SPEF2: variants seen among roughly 807,000 people sequenced by gnomAD.
SPEF2 encodes sperm flagellar and cilia associated 2, also known as sperm flagella and cilia-associated protein 2.
Under a neutral mutation model 224.6 loss-of-function variants are expected in SPEF2, and 187 were observed. That is an observed-to-expected ratio of 0.83 (90% CI 0.74 to 0.94). The LOEUF (loss-of-function observed/expected upper bound fraction) is 0.94, where lower values mean the gene tolerates loss of function less well. SPEF2 is among the 40% of genes least tolerant of loss of function. The pLI is 0.00. For missense variants in SPEF2, 2,170 were observed against 2,135.6 expected (o/e 1.02, Z -0.32); for synonymous variants, 715 against 707.3 (o/e 1.01, Z -0.17).
rs1749568622 is a variant in SPEF2 at position 35,751,099 on chromosome 5, A to ATG, written c.3331-2524_3331-2523insGT. Reference sequence around the variant, plus strand: ...TATATACACACACACACACACACATATATATATATATATATATATGATGGA... The same window carrying ATG: ...TATATACACACACACACACACACATATGTATATATATATATATATATGATGGA... On this transcript the variant is annotated intron_variant, in intron 23 of 36. Coordinates refer to ENST00000356031, the MANE Select transcript of SPEF2 (RefSeq NM_024867.4). Among the ~76,000 whole-genome samples the ATG allele has an allele frequency of 1.9e-5, 2 of 107,984 alleles. 1 individual carries two copies. Among genetic ancestry groups the ATG allele is most frequent in the Non-Finnish European group, 3.6e-5 (2 of 56,324 alleles). 70.8% of individuals were successfully genotyped at this position (107,984 alleles called of 152,430 possible). A position where few individuals can be genotyped will look rare whatever the true frequency, so the allele number is the denominator to read the frequency against.
intron 25 of SPEF2, among the ~76,000 whole-genome samples, chr5:35,760,760 C>T (rs1238167249): frequency 6.6e-6 from 1 of 152,112 alleles, no homozygotes; most frequent in Non-Finnish European, 1.5e-5. Flanking sequence ...AAAATGTCTT[C>T]TAGAAATGGG....
intron 6 of SPEF2, among the ~76,000 whole-genome samples, chr5:35,652,333 C>T (rs1212331969): frequency 6.6e-6 from 1 of 151,974 alleles, no homozygotes; most frequent in Non-Finnish European, 1.5e-5. Context: ...AACCCACGCT[C>T]AATCCAGGGC....
chr5:35,760,309 G>A (rs4869462), intron 25 of SPEF2, among the ~76,000 whole-genome samples: 80,588 of 150,842 alleles, frequency 0.53, 24,322 homozygotes, highest in Middle Eastern at 0.7. Flanking sequence ...CTTGCAGCGA[G>A]CCAAGATCTC....
At chr5:35,811,566 T>C (rs1400876712) in intron 36 of SPEF2, among the ~76,000 whole-genome samples, 1 of 151,972 alleles carries the variant, frequency 6.6e-6, no homozygotes, top group African/African-American at 2.4e-5. Context: ...TCAAAGTGCC[T>C]TGGTGTCTGC....
intron 20 of SPEF2, among the ~76,000 whole-genome samples, chr5:35,723,431 C>G (rs116921214): frequency 6.6e-6 from 1 of 151,978 alleles, no homozygotes; most frequent in Non-Finnish European, 1.5e-5. Flanking sequence ...TGTGTTTTAA[C>G]GAGCCCACTA....
Position 35,793,487 on chromosome 5 carries a change from G to A in SPEF2, c.4737+146G>A, listed in dbSNP as rs1274482340. ...GTCTAGGCACCCAGAGGCAGCACAGGCAGTGTCAAAGCCCCAGCCAGAAGC... is the reference window on the plus strand; with the variant it reads ...GTCTAGGCACCCAGAGGCAGCACAGACAGTGTCAAAGCCCCAGCCAGAAGC... On this transcript the variant is annotated intron_variant, in intron 32 of 36. Coordinates refer to ENST00000356031, the MANE Select transcript of SPEF2 (RefSeq NM_024867.4). The A allele has an allele frequency of 6.7e-6, 5 of 750,874 alleles. No individual in the cohort carries two copies. In the Admixed American group the frequency reaches 1.1e-4, roughly 17 times the overall value. 46.5% of individuals were successfully genotyped at this position (750,874 alleles called of 1,614,324 possible). A position where few individuals can be genotyped will look rare whatever the true frequency, so the allele number is the denominator to read the frequency against.
intron 34 of SPEF2, among the ~76,000 whole-genome samples, chr5:35,800,539 T>G (rs989860330): frequency 2.0e-5 from 3 of 152,182 alleles, no homozygotes; most frequent in Non-Finnish European, 4.4e-5. Context: ...ACCACATATA[T>G]GGGGCTTGGT....
chr5:35,622,537 G>T (rs371879599), intron 1 of SPEF2, among the ~76,000 whole-genome samples: 2 of 152,154 alleles, frequency 1.3e-5, no homozygotes, highest in Non-Finnish European at 2.9e-5. Flanking sequence ...CATTGTTTAG[G>T]ATTATGCACC....
chr5:35,650,516 T>C lies in SPEF2; in HGVS notation c.791+1091T>C, dbSNP rs1400600114. On this transcript the variant is annotated intron_variant, in intron 6 of 36. Coordinates refer to ENST00000356031, the MANE Select transcript of SPEF2 (RefSeq NM_024867.4). ...CCATAGGCTCTGTGGTGATAAACAG[T>C]TGGTGTCCACCAGAAAGACCATCTT... Among the ~76,000 whole-genome samples the C allele has an allele frequency of 2.6e-5, 4 of 152,282 alleles. No homozygotes were observed. In the South Asian group the frequency reaches 6.2e-4, roughly 24 times the overall value.
chr5:35,629,266 G>A (rs1383832760), intron 2 of SPEF2, among the ~76,000 whole-genome samples: 2 of 141,312 alleles, frequency 1.4e-5, no homozygotes, highest in African/African-American at 5.4e-5. Context: ...CCATTCTCCT[G>A]CCTCAGCCTC....
Position 35,749,754 on chromosome 5 carries a change from A to G in SPEF2, c.3331-3870A>G, listed in dbSNP as rs577771315. The stretch of plus-strand genomic sequence containing the variant: ...CCATGCTCACGGATGAGTAGAATCA[A>G]TATTGTGAAAATGATCATACTGCCC... On this transcript the variant is annotated intron_variant, in intron 23 of 36. Coordinates refer to ENST00000356031, the MANE Select transcript of SPEF2 (RefSeq NM_024867.4). Among the ~76,000 whole-genome samples, 371 of 152,320 alleles carry G rather than the reference A, an allele frequency of 2.4e-3. 2 individuals carry two copies. The highest frequency in any genetic ancestry group is 8.6e-3 in the African/African-American group (359 of 41,578).
intron 7 of SPEF2, among the ~76,000 whole-genome samples, chr5:35,657,349 T>C (rs1749100123): frequency 1.3e-5 from 2 of 152,126 alleles, no homozygotes; most frequent in African/African-American, 4.8e-5. Flanking sequence ...GTGAACTAAA[T>C]GATGAGATTT....
At chr5:35,619,537 C>T (rs975759520) in intron 1 of SPEF2, among the ~76,000 whole-genome samples, 2 of 151,948 alleles carry the variant, frequency 1.3e-5, no homozygotes, top group Admixed American at 6.6e-5. Context: ...ATTAGCCGGA[C>T]GTCGTGGCGG....
At chr5:35,661,219 T>C (rs534340168) in intron 8 of SPEF2, among the ~76,000 whole-genome samples, 190 of 143,354 alleles carry the variant, frequency 1.3e-3, no homozygotes, top group Non-Finnish European at 2.3e-3. Context: ...CTACTTCTTT[T>C]ATGTGAAGAA....
chr5:35,790,217 G>A lies in SPEF2; in HGVS notation c.4448-2123G>A, dbSNP rs185826028. Reference sequence around the variant, plus strand: ...CAAAAATCAAGGCTGAAAGTATGACGGATGTCCTAATTATTCAGTTGAATT... The same window carrying A: ...CAAAAATCAAGGCTGAAAGTATGACAGATGTCCTAATTATTCAGTTGAATT... On this transcript the variant is annotated intron_variant, in intron 30 of 36. Coordinates refer to ENST00000356031, the MANE Select transcript of SPEF2 (RefSeq NM_024867.4). 30 of 689,616 alleles carry A rather than the reference G, an allele frequency of 4.4e-5. No individual in the cohort carries two copies. In the East Asian group the frequency reaches 6.5e-4, roughly 15 times the overall value. The allele number at this position is 689,616 out of a possible 1,614,324, so 42.7% of individuals were successfully genotyped here. A position where few individuals can be genotyped will look rare whatever the true frequency, so the allele number is the denominator to read the frequency against.
chr5:35,790,342 C>T (rs1010369791), intron 30 of SPEF2: 1 of 540,036 alleles, frequency 1.9e-6, no homozygotes, highest in Non-Finnish European at 3.3e-6. Context: ...TCAGATTGCT[C>T]ATCAAACTCA....
chr5:35,647,248 C>G lies in SPEF2; in HGVS notation c.726+441C>G, dbSNP rs1747508292. On this transcript the variant is annotated intron_variant, in intron 5 of 36. Coordinates refer to ENST00000356031, the MANE Select transcript of SPEF2 (RefSeq NM_024867.4). ...TTCAAGACTGGGTATCTGGTGAGGG[C>G]CTTAGTAAGGAGAAGGGGGAGGGGA... 2.0e-5 allele frequency among the ~76,000 whole-genome samples: 3 copies of G among 149,942 alleles called. No individual in the cohort carries two copies. In the Admixed American group the frequency reaches 2.0e-4, roughly 10 times the overall value.
intron 1 of SPEF2, among the ~76,000 whole-genome samples, chr5:35,621,947 T>A (rs1036333484): frequency 3.3e-5 from 5 of 152,238 alleles, no homozygotes; most frequent in Admixed American, 6.5e-5. Flanking sequence ...TTCAATAGTA[T>A]TTTCCAATGT....
intron 24 of SPEF2, among the ~76,000 whole-genome samples, chr5:35,755,891 TGAGCCACCAC>T (rs1750369818): frequency 6.6e-6 from 1 of 152,044 alleles, no homozygotes. Flanking sequence ...ATTACAGGAG[TGAGCCACCAC>T]ACCCAGCCTA....
Sources: allele counts gnomAD v4.1 joint callset (sites outside exome capture counted in the v4.1 genomes callset), GRCh38; gene constraint gnomAD v4.1.1; transcripts MANE v1.5; gene names NCBI Gene and HGNC (gene_info 2026-07-23, HGNC 2026-07-21).